KIF15: variants seen among roughly 807,000 people sequenced by gnomAD.
KIF15 encodes the protein kinesin-like protein KIF15.
A neutral mutation model predicts 190.6 loss-of-function variants in KIF15; 140 were observed. The ratio of observed to expected loss-of-function variants is 0.73; its 90% CI spans 0.64 to 0.84. KIF15 has a LOEUF of 0.84. Ranked by LOEUF, KIF15 falls within the 40% of genes least tolerant of loss-of-function variation. The probability of loss-of-function intolerance (pLI) is 0.00; values close to 1 mark genes in which losing one functional copy is unlikely to be tolerated. For missense variants in KIF15, 1,372 were observed against 1,584.4 expected (o/e 0.87, Z 2.28); for synonymous variants, 528 against 551.3 (o/e 0.96, Z 0.59).
intron 18 of KIF15, 125 bp from the exon 19 acceptor site, chr3:44,812,950 A>C (rs1575628795): frequency 1.8e-6 from 1 of 549,596 alleles, no homozygotes; most frequent in Non-Finnish European, 3.1e-6. Flanking sequence ...GCATCACTGC[A>C]CTCCAGCCTG....
chr3:44,774,168 C>A (rs550805849), intron 1 of KIF15, among the ~76,000 whole-genome samples: 1 of 152,306 alleles, frequency 6.6e-6, no homozygotes, highest in African/African-American at 2.4e-5. Flanking sequence ...ACCTGGGCAG[C>A]ATTTGACTGT....
rs557518465 is a variant in KIF15, at chr3:44,814,300, T to C, written c.2384-611T>C. Among the ~76,000 whole-genome samples, 25 of 152,218 alleles carry C rather than the reference T, an allele frequency of 1.6e-4. No individual in the cohort carries two copies. In the South Asian group the frequency reaches 3.9e-3, roughly 24 times the overall value. On this transcript the variant is annotated intron_variant, in intron 19 of 34. Transcript: ENST00000326047. ...ATCTTTTAATTTTTTTTTCTTATAT[T>C]AAGAGTTTTGTTTGTTTGTTTGTTT...
chr3:44,807,416 G>A (rs554382006), intron 16 of KIF15, among the ~76,000 whole-genome samples: 18 of 152,086 alleles, frequency 1.2e-4, no homozygotes, highest in African/African-American at 4.3e-4. Flanking sequence ...GTAGAGACGA[G>A]GTTTCACCAT....
rs529849280 is a variant in KIF15, at chr3:44,763,902, G to A, written c.19+2018G>A. On this transcript the variant is annotated intron_variant, in intron 1 of 34. Transcript: ENST00000326047. ...AGGGTTTCACCATGTTGCCCAGGCT[G>A]GTCTTGAACTCCTGAACTCAAGCAA... is the stretch of plus-strand genomic sequence containing the variant. Among the ~76,000 whole-genome samples the A allele has an allele frequency of 5.3e-5, 8 of 151,608 alleles. No individual in the cohort carries two copies. The South Asian group carries it at 1.7e-3, about 32-fold the overall frequency.
chr3:44,763,797 C>G (rs530264403), intron 1 of KIF15, among the ~76,000 whole-genome samples: 1 of 152,032 alleles, frequency 6.6e-6, no homozygotes, highest in Non-Finnish European at 1.5e-5. Flanking sequence ...AAGCAGTACT[C>G]GTGCCTCAGC....
chr3:44,769,876 G>A (rs576439515), intron 1 of KIF15, among the ~76,000 whole-genome samples: 8 of 152,148 alleles, frequency 5.3e-5, no homozygotes, highest in African/African-American at 7.2e-5. Context: ...GCTAAGATTT[G>A]GGTGCATGGA....
At chr3:44,832,266 TG>T (rs1458984253) in intron 26 of KIF15, among the ~76,000 whole-genome samples, 1 of 151,994 alleles carries the variant, frequency 6.6e-6, no homozygotes, top group Non-Finnish European at 1.5e-5. Context: ...GGCAGTGAAG[TG>T]GGGGCAGACT....
intron 7 of KIF15, among the ~76,000 whole-genome samples, chr3:44,788,993 G>T (rs951992682): frequency 4.6e-5 from 7 of 152,038 alleles, no homozygotes; most frequent in African/African-American, 1.7e-4. Flanking sequence ...AAGTATATTG[G>T]CATAAAGTTG....
At chr3:44,803,036 G>A (rs1180931307) in intron 14 of KIF15, 45 bp downstream of exon 14, 1 of 1,519,816 alleles carries the variant, frequency 6.6e-7, no homozygotes. Flanking sequence ...GGAAGGGGCT[G>A]TTTTAAAGAG....
At chr3:44,826,641 T>C (rs968008784) in intron 22 of KIF15, among the ~76,000 whole-genome samples, 181 bp downstream of exon 22, 11 of 152,220 alleles carry the variant, frequency 7.2e-5, no homozygotes, top group Non-Finnish European at 1.5e-4. Context: ...TTTCAAAACA[T>C]GTAACAACTA....
chr3:44,767,729 A>T (rs1331706780), intron 1 of KIF15, among the ~76,000 whole-genome samples: 3 of 151,550 alleles, frequency 2.0e-5, no homozygotes, highest in Non-Finnish European at 4.4e-5. Context: ...CCCCGTCTCC[A>T]CTAAAAATAC....
intron 6 of KIF15, chr3:44,862,469 C>T (rs543813293): frequency 1.3e-5 from 2 of 152,894 alleles, no homozygotes; most frequent in Admixed American, 6.5e-5. Context: ...TACATCCACC[C>T]TCTACCTCTC....
At chr3:44,840,000 G>A (rs1698511736) in intron 27 of KIF15, among the ~76,000 whole-genome samples, 2 of 152,226 alleles carry the variant, frequency 1.3e-5, no homozygotes, top group Admixed American at 6.5e-5. Flanking sequence ...GAGTGCCGCT[G>A]TCTCTTCAAT....
At position 44,802,948 on chromosome 3, in the gene KIF15, A is replaced by C; in HGVS notation, c.1644A>C (p.Glu548Asp). The change falls in exon 14 of 35, where the codon GAA becomes GAC. Residue 548 changes from glutamate (E) to aspartate (D), a missense_variant. By Grantham distance (45) the Glu-to-Asp change is conservative. Transcript: ENST00000326047. ...EMDAQTIAKLEKAFSEISGME... is the reference protein window; with the variant it reads ...EMDAQTIAKLDKAFSEISGME... ...ATGCCCAGACCATTGCAAAACTAGA[A>C]AAAGCTTTCTCTGAAATAAGTGGCA... 3 of 1,604,172 alleles carry C rather than the reference A, an allele frequency of 1.9e-6. No individual in the cohort carries two copies. Among genetic ancestry groups the C allele is most frequent in the Non-Finnish European group, 2.5e-6 (3 of 1,177,734 alleles).
intron 30 of KIF15, among the ~76,000 whole-genome samples, chr3:44,846,510 C>T (rs184359042): frequency 1.4e-4 from 22 of 152,020 alleles, no homozygotes; most frequent in Admixed American, 1.2e-3. Context: ...TCGTGGCTCA[C>T]GCCTGTAATT....
downstream of KIF15, among the ~76,000 whole-genome samples, chr3:44,854,272 C>G (rs1699156634): frequency 6.6e-6 from 1 of 151,714 alleles, no homozygotes; most frequent in South Asian, 2.1e-4. Flanking sequence ...GTAATCCCAG[C>G]TACTCGTGAG....
chr3:44,857,277 T>C (rs1699199037), downstream of KIF15, among the ~76,000 whole-genome samples: 1 of 152,076 alleles, frequency 6.6e-6, no homozygotes, highest in Admixed American at 6.5e-5. Context: ...AGTATATGCA[T>C]CAAGTGGGAG....
downstream of KIF15, among the ~76,000 whole-genome samples, chr3:44,854,952 A>C (rs1479524267): frequency 6.6e-6 from 1 of 152,218 alleles, no homozygotes; most frequent in Non-Finnish European, 1.5e-5. Context: ...CACAGGTACC[A>C]GGGGTTAAGA....
chr3:44,838,128 T>A (rs1698415380), intron 26 of KIF15, 147 bp from the exon 27 acceptor site: 2 of 683,796 alleles, frequency 2.9e-6, no homozygotes, highest in Non-Finnish European at 4.7e-6. Flanking sequence ...CTGATTACTT[T>A]GTCTTAGAAT....
Sources: gnomAD v4.1 joint callset for allele counts (sites outside exome capture counted in the v4.1 genomes callset) on GRCh38, gnomAD v4.1.1 for gene constraint, MANE v1.5 for transcripts, NCBI Gene and HGNC (gene_info 2026-07-23, HGNC 2026-07-21) for gene names.